Variants in USH2A observed in about 807,000 individuals in gnomAD.
USH2A encodes the protein usherin.
In USH2A, 443 loss-of-function variants were observed where a neutral mutation model predicts 538.9. That is an observed-to-expected ratio of 0.82 (90% CI 0.76 to 0.89). The LOEUF (loss-of-function observed/expected upper bound fraction) is 0.89, where lower values mean the gene tolerates loss of function less well. USH2A is among the 40% of genes least tolerant of loss of function. The pLI is 0.00. For missense variants in USH2A, 6,633 were observed against 6,324.8 expected (o/e 1.05, Z -1.65); for synonymous variants, 2,413 against 2,273.5 (o/e 1.06, Z -1.75).
chr1:215,735,228 A>G (rs2102720222), intron 60 of USH2A, among the ~76,000 whole-genome samples: 1 of 152,278 alleles, frequency 6.6e-6, no homozygotes, highest in South Asian at 2.1e-4. Context: ...ATGCATTTAC[A>G]TTTTAATAAT....
chr1:216,073,642 G>A (rs1365841639), intron 27 of USH2A, among the ~76,000 whole-genome samples: 1 of 152,098 alleles, frequency 6.6e-6, no homozygotes, highest in Non-Finnish European at 1.5e-5. Context: ...TTATGGTAGG[G>A]GGATAGCCCC....
intron 37 of USH2A, among the ~76,000 whole-genome samples, chr1:215,951,146 AG>A (rs1666902934): frequency 6.6e-6 from 1 of 152,008 alleles, no homozygotes; most frequent in Non-Finnish European, 1.5e-5. Flanking sequence ...TTGTGATGTT[AG>A]GGTGTCAATT....
intron 32 of USH2A, among the ~76,000 whole-genome samples, chr1:216,014,149 G>C (rs1168447594): frequency 6.6e-6 from 1 of 152,022 alleles, no homozygotes; most frequent in Non-Finnish European, 1.5e-5. Context: ...ACGGTGATCT[G>C]ATTGGGAAAT....
At chr1:216,279,342 C>A (rs940284883) in intron 11 of USH2A, among the ~76,000 whole-genome samples, 1 of 152,066 alleles carries the variant, frequency 6.6e-6, no homozygotes, top group Non-Finnish European at 1.5e-5. Flanking sequence ...CTTGGAAAAT[C>A]CTTGCTTTTA....
In USH2A at chr1:216,073,215, G is replaced by A. The variant is rs2031621074; in HGVS notation, c.5658C>T (p.Val1886=). 1.2e-6 allele frequency: 2 copies of A among 1,613,732 alleles called. No individual in the cohort carries two copies. The highest frequency in any genetic ancestry group is 1.1e-5 in the South Asian group (1 of 91,070). ...CAGTTGATAGGCATCCATCCAGATTGACTCTGACAGCACCGCTGGACACAG... is the reference window on the plus strand; with the variant it reads ...CAGTTGATAGGCATCCATCCAGATTAACTCTGACAGCACCGCTGGACACAG... ...LASVSSGAVR[V]NLDGCLSTDS... is the part of the protein sequence containing the mutation. Residue 1886 remains valine (V), a synonymous_variant, in exon 28 of 72, where the codon GTC becomes GTT. Transcript: ENST00000307340.
chr1:216,323,790 A>C (rs2037668170), intron 7 of USH2A, 95 bp from the exon 8 acceptor site: 1 of 1,137,732 alleles, frequency 8.8e-7, no homozygotes, highest in African/African-American at 1.6e-5. Context: ...CAGTATCAAT[A>C]AAAGCTTAAA....
At chr1:216,260,065 T>C (rs112663309) in intron 11 of USH2A, among the ~76,000 whole-genome samples, 164 of 152,202 alleles carry the variant, frequency 1.1e-3, no homozygotes, top group African/African-American at 3.8e-3. Context: ...TTACCAATTT[T>C]TGATAAAGTT....
intron 58 of USH2A, among the ~76,000 whole-genome samples, chr1:215,752,826 A>C (rs548739212): frequency 7.9e-5 from 12 of 152,316 alleles, no homozygotes; most frequent in East Asian, 1.9e-4. Flanking sequence ...TAATTAAACT[A>C]AAGAGCTTCT....
At chr1:215,851,002 T>C (rs574340328) in intron 44 of USH2A, among the ~76,000 whole-genome samples, 26 of 152,134 alleles carry the variant, frequency 1.7e-4, no homozygotes, top group Non-Finnish European at 2.6e-4. Flanking sequence ...TGAATGATAA[T>C]AGTGATACAA....
intron 32 of USH2A, among the ~76,000 whole-genome samples, chr1:216,014,609 A>G (rs1196077044): frequency 1.3e-5 from 2 of 152,330 alleles, no homozygotes; most frequent in South Asian, 2.1e-4. Context: ...GCCCCTGAGC[A>G]ACAACATCTT....
intron 45 of USH2A, among the ~76,000 whole-genome samples, chr1:215,845,192 C>A (rs1401877948): frequency 6.6e-6 from 1 of 152,098 alleles, no homozygotes; most frequent in East Asian, 1.9e-4. Context: ...AAGGTGCCGA[C>A]CTTTGGCACC....
At chr1:216,270,710 AT>A (rs11351472) in intron 11 of USH2A, among the ~76,000 whole-genome samples, 101,771 of 148,276 alleles carry the variant, frequency 0.69, 34,934 homozygotes, top group East Asian at 0.74. Context: ...ATTCATTCCA[AT>A]TTTTTTTTTT....
At chr1:216,240,451 C>T (rs1487509223) in intron 13 of USH2A, among the ~76,000 whole-genome samples, 1 of 150,854 alleles carries the variant, frequency 6.6e-6, no homozygotes, top group Non-Finnish European at 1.5e-5. Flanking sequence ...AACATAAGAA[C>T]CATCACTGAT....
rs1660305657 is a variant in USH2A, at chr1:215,741,547, A to T, written c.11549-10T>A. On this transcript the variant is annotated splice_polypyrimidine_tract_variant and intron_variant, in intron 59 of 71. Transcript: ENST00000307340. ...CTAACTCCACAACTTCCTTGAAAAA[A>T]AAAAAATTGAGGTCTTTATTATTTT... 1 of 1,612,120 alleles carries T rather than the reference A, an allele frequency of 6.2e-7. No individual in the cohort carries two copies.
At chr1:216,361,003 G>C (rs895587324) in intron 4 of USH2A, among the ~76,000 whole-genome samples, 3 of 152,050 alleles carry the variant, frequency 2.0e-5, no homozygotes, top group Admixed American at 6.6e-5. Context: ...ATGAAGACAT[G>C]TATGAAGTTA....
intron 11 of USH2A, among the ~76,000 whole-genome samples, chr1:216,288,704 G>T (rs1310819043): frequency 6.6e-6 from 1 of 152,096 alleles, no homozygotes; most frequent in African/African-American, 2.4e-5. Flanking sequence ...TAAGAAGCCT[G>T]TTTTCCTGCT....
intron 36 of USH2A, among the ~76,000 whole-genome samples, chr1:215,968,196 C>A (rs187754324): frequency 6.6e-6 from 1 of 152,134 alleles, no homozygotes; most frequent in African/African-American, 2.4e-5. Context: ...TTTAACTTGA[C>A]AATGCACATT....
intron 21 of USH2A, among the ~76,000 whole-genome samples, chr1:216,117,966 A>G (rs1162649761): frequency 6.6e-6 from 1 of 151,968 alleles, no homozygotes; most frequent in Non-Finnish European, 1.5e-5. Flanking sequence ...TTTCTTTGGT[A>G]AAAGTGAAAA....
Position 216,084,874 on chromosome 1 carries a change from A to T in USH2A, c.4991T>A (p.Ile1664Lys). ...ACAGCCCACAAAACCTTTTTGGATT[A>T]TCTCTGCAGGAGTTTATAGATATCA... The part of the protein sequence containing the change: ...SYTILRKDPE[I>K]IQKGFVGCLK... The change falls in exon 25 of 72, where the codon ATA becomes AAA. Residue 1664 changes from isoleucine to lysine, a missense_variant. Physicochemically the swap from Ile to Lys is moderately radical, Grantham distance 102. Coordinates refer to ENST00000307340, the MANE Select transcript of USH2A (RefSeq NM_206933.4). 4.3e-6 allele frequency: 7 copies of T among 1,612,790 alleles called. No homozygotes were observed. Among genetic ancestry groups the T allele is most frequent in the Non-Finnish European group, 5.1e-6 (6 of 1,179,078 alleles).
Sources: allele counts gnomAD v4.1 joint callset (sites outside exome capture counted in the v4.1 genomes callset), GRCh38; gene constraint gnomAD v4.1.1; transcripts MANE v1.5; gene names NCBI Gene and HGNC (gene_info 2026-07-23, HGNC 2026-07-21).